The following PACS1 variants were observed in gnomAD, a reference collection of about 807,000 sequenced individuals.
The protein encoded by PACS1 is PACS-1.
A neutral mutation model predicts 115.0 loss-of-function variants in PACS1; 24 were observed. The ratio of observed to expected loss-of-function variants is 0.21; its 90% confidence interval spans 0.15 to 0.29. The LOEUF (loss-of-function observed/expected upper bound fraction) is 0.29. Ranked by LOEUF, PACS1 falls within the 10% of genes least tolerant of loss-of-function variation. The pLI is 1.00. For synonymous variants in PACS1, 453 were observed against 504.5 expected (o/e 0.90, Z 1.37); for missense variants, 838 against 1,251.2 (o/e 0.67, Z 4.98).
At chr11:66,140,654 C>T (rs541837403) in intron 1 of PACS1, among the ~76,000 whole-genome samples, 1 of 152,262 alleles carries the variant, frequency 6.6e-6, no homozygotes, top group African/African-American at 2.4e-5. Flanking sequence ...CCCATCTGCT[C>T]AGTTCCCAAT....
intron 1 of PACS1, among the ~76,000 whole-genome samples, chr11:66,104,285 C>T (rs540876903): frequency 1.9e-4 from 29 of 152,144 alleles, no homozygotes; most frequent in Non-Finnish European, 1.2e-4. Flanking sequence ...ATGTCAGTCA[C>T]GGCAGAGGTA....
chr11:66,190,922 T>C (rs1195831000), intron 1 of PACS1, among the ~76,000 whole-genome samples: 1 of 152,048 alleles, frequency 6.6e-6, no homozygotes, highest in East Asian at 1.9e-4. Context: ...GAGGAGGCGG[T>C]GACGTGATGG....
At chr11:66,189,551 C>T (rs918516451) in intron 1 of PACS1, among the ~76,000 whole-genome samples, 6 of 152,156 alleles carry the variant, frequency 3.9e-5, no homozygotes, top group African/African-American at 1.4e-4. Flanking sequence ...TTTGCTTTTC[C>T]CGCTGCGCTG....
chr11:66,138,928 G>C (rs186394471), intron 1 of PACS1, among the ~76,000 whole-genome samples: 66 of 149,254 alleles, frequency 4.4e-4, no homozygotes, highest in Non-Finnish European at 7.9e-4. Context: ...TGATCCGCCC[G>C]CCTCAGCCTC....
chr11:66,181,722 C>A (rs1860015797), intron 1 of PACS1, among the ~76,000 whole-genome samples: 1 of 152,054 alleles, frequency 6.6e-6, no homozygotes, highest in Admixed American at 6.6e-5. Flanking sequence ...TTGGCTGGAA[C>A]CTGGATGGTT....
intron 2 of PACS1, among the ~76,000 whole-genome samples, chr11:66,202,742 A>AAAAAAAATATAT (rs1200930188): frequency 2.8e-5 from 2 of 71,604 alleles, no homozygotes; most frequent in African/African-American, 1.6e-4. Context: ...AAAAAAAAAA[A>AAAAAAAATATAT]ATATATATAT....
chr11:66,240,585 G>C (rs2134750902), intron 21 of PACS1, among the ~76,000 whole-genome samples: 1 of 152,088 alleles, frequency 6.6e-6, no homozygotes, highest in Non-Finnish European at 1.5e-5. Context: ...TTCCCTTCAG[G>C]GTCTTCTGGA....
intron 1 of PACS1, among the ~76,000 whole-genome samples, chr11:66,125,661 T>C (rs1858554221): frequency 6.6e-6 from 1 of 152,202 alleles, no homozygotes; most frequent in Admixed American, 6.5e-5. Context: ...AACCAGTGTC[T>C]AACTATGCCT....
intron 1 of PACS1, among the ~76,000 whole-genome samples, chr11:66,136,214 T>G: frequency 6.6e-6 from 1 of 151,678 alleles, no homozygotes; most frequent in African/African-American, 2.4e-5. Flanking sequence ...CTTTCAGTGT[T>G]TGGGGAGCCC....
chr11:66,159,443 A>G (rs925796138), intron 1 of PACS1, among the ~76,000 whole-genome samples: 2 of 152,150 alleles, frequency 1.3e-5, no homozygotes, highest in Non-Finnish European at 2.9e-5. Context: ...GTCTCAAAAA[A>G]AAAAAAGAAA....
At chr11:66,071,984 C>T (rs116488616) in intron 1 of PACS1, among the ~76,000 whole-genome samples, 93 of 152,212 alleles carry the variant, frequency 6.1e-4, no homozygotes, top group African/African-American at 2.2e-3. Flanking sequence ...CTCAGGGTGC[C>T]CCTTCCTGAC....
chr11:66,107,576 T>G (rs1322694729), intron 1 of PACS1, among the ~76,000 whole-genome samples: 1 of 152,220 alleles, frequency 6.6e-6, no homozygotes, highest in Non-Finnish European at 1.5e-5. Context: ...TTGGTAAATA[T>G]TTGTTGAATG....
chr11:66,216,810 G>C, intron 7 of PACS1, 35 bp downstream of exon 7: 1 of 1,515,654 alleles, frequency 6.6e-7, no homozygotes, highest in Non-Finnish European at 9.1e-7. Flanking sequence ...GGTTGGCTAA[G>C]ATTTTCAGTC....
chr11:66,112,874 G>T (rs1338495067), intron 1 of PACS1, among the ~76,000 whole-genome samples: 1 of 152,210 alleles, frequency 6.6e-6, no homozygotes, highest in Non-Finnish European at 1.5e-5. Flanking sequence ...CTATGATTTG[G>T]CTATAAAAAG....
intron 1 of PACS1, among the ~76,000 whole-genome samples, chr11:66,118,978 A>G (rs1565113733): frequency 6.6e-6 from 1 of 152,136 alleles, no homozygotes; most frequent in Non-Finnish European, 1.5e-5. Context: ...AGTAAGTGCT[A>G]AGATAAAGGT....
At chr11:66,152,444 T>C (rs1430298886) in intron 1 of PACS1, among the ~76,000 whole-genome samples, 6 of 151,910 alleles carry the variant, frequency 3.9e-5, no homozygotes, top group African/African-American at 1.2e-4. Context: ...AAGAGAAAAA[T>C]AGGCAAAAAA....
intron 1 of PACS1, among the ~76,000 whole-genome samples, chr11:66,149,597 A>AATTGT (rs1859192191): frequency 6.6e-6 from 1 of 152,060 alleles, no homozygotes; most frequent in African/African-American, 2.4e-5. Context: ...CATAACATTA[A>AATTGT]CTTTGTATTT....
chr11:66,214,622 T>TG (rs1175046919), intron 4 of PACS1, among the ~76,000 whole-genome samples: 1 of 141,534 alleles, frequency 7.1e-6, no homozygotes, highest in Non-Finnish European at 1.5e-5. Flanking sequence ...TTTCTTTTCT[T>TG]TTTTTTTTTT....
Position 66,233,294 on chromosome 11 carries a change from G to C in PACS1, c.1838+228G>C, listed in dbSNP as rs953431505. 3.9e-5 allele frequency among the ~76,000 whole-genome samples: 6 copies of C among 152,154 alleles called. No homozygotes were observed. Among genetic ancestry groups the C allele is most frequent in the Admixed American group, 2.0e-4 (3 of 15,284 alleles). ...CAATTCCTGTGCTCCCTGCCTCCCT[G>C]CCTGGACCCCCGCCATGCCTTGACT... On this transcript the variant is annotated intron_variant, in intron 15 of 23. Transcript: ENST00000320580. This position sits in a 1 kb window ranked among gnomAD's most constrained non-coding sequence, Gnocchi z 4.5.
Sources: gnomAD v4.1 joint callset for allele counts (sites outside exome capture counted in the v4.1 genomes callset) on GRCh38, gnomAD v4.1.1 for gene constraint, Gnocchi (gnomAD v3.1) non-coding constraint, MANE v1.5 for transcripts, NCBI Gene and HGNC (gene_info 2026-07-23, HGNC 2026-07-21) for gene names.